DOCK7: variants seen among roughly 807,000 people sequenced by gnomAD.
DOCK7 encodes dedicator of cytokinesis 7.
Under a neutral mutation model 271.0 loss-of-function variants are expected in DOCK7, and 138 were observed. The ratio of observed to expected loss-of-function variants is 0.51; its 90% CI spans 0.44 to 0.59. DOCK7 has a LOEUF of 0.59. Ranked by LOEUF, DOCK7 falls within the 20% of genes least tolerant of loss-of-function variation. The probability of loss-of-function intolerance (pLI) is 0.00; values close to 1 mark genes in which losing one functional copy is unlikely to be tolerated. For missense variants in DOCK7, 2,066 were observed against 2,592.4 expected, an observed-to-expected ratio of 0.80 and a Z score of 4.41; for synonymous variants, 823 against 876.1, an observed-to-expected ratio of 0.94 and a Z score of 1.07.
At chr1:62,601,686 A>C (rs1198474504) in intron 14 of DOCK7, 1 of 1,018,836 alleles carries the variant, frequency 9.8e-7, no homozygotes, top group African/African-American at 1.6e-5. Context: ...CCACAACTTC[A>C]TAAAATGTCA....
At chr1:62,617,233 T>A (rs957393260) in intron 14 of DOCK7, among the ~76,000 whole-genome samples, 1 of 151,944 alleles carries the variant, frequency 6.6e-6, no homozygotes, top group African/African-American at 2.4e-5. Context: ...TGTATTTCAC[T>A]GTACTATAAG....
chr1:62,582,266 A>G (rs1647149986), intron 16 of DOCK7, among the ~76,000 whole-genome samples: 2 of 152,134 alleles, frequency 1.3e-5, no homozygotes, highest in Admixed American at 1.3e-4. Flanking sequence ...AGATTATAAA[A>G]GAGGCCGGGC....
At chr1:62,475,981 A>G in intron 45 of DOCK7, 38 bp from the exon 46 acceptor site, 1 of 1,605,690 alleles carries the variant, frequency 6.2e-7, no homozygotes, top group Non-Finnish European at 8.5e-7. Context: ...CTCACTGTTA[A>G]GTCATCATTT....
At chr1:62,638,623 ATT>A (rs1571864141) in intron 7 of DOCK7, among the ~76,000 whole-genome samples, 2 of 147,804 alleles carry the variant, frequency 1.4e-5, no homozygotes, top group African/African-American at 2.5e-5. Flanking sequence ...ATGAATATAT[ATT>A]TTCATGAATA....
At chr1:62,651,485 G>A (rs142871040) in intron 4 of DOCK7, among the ~76,000 whole-genome samples, 12 of 140,514 alleles carry the variant, frequency 8.5e-5, no homozygotes, top group Admixed American at 2.2e-4. Flanking sequence ...AAAGTTTATC[G>A]CATGGCTCGC....
intron 25 of DOCK7, among the ~76,000 whole-genome samples, chr1:62,542,405 GC>G (rs2149399164): frequency 6.6e-6 from 1 of 152,210 alleles, no homozygotes; most frequent in South Asian, 2.1e-4. Flanking sequence ...GTTAAAATGA[GC>G]CTCACTCTTA....
At chr1:62,495,512 C>T in intron 39 of DOCK7, 69 bp downstream of exon 39, 1 of 911,214 alleles carries the variant, frequency 1.1e-6, no homozygotes, top group South Asian at 2.7e-5. Context: ...TTATTTTTTT[C>T]ATCTAATGCT....
chr1:62,485,188 G>A (rs1416989043), intron 43 of DOCK7: 2 of 985,222 alleles, frequency 2.0e-6, no homozygotes, highest in Admixed American at 6.2e-5. Context: ...CTACTATTTC[G>A]AGGGAAAAGT....
intron 37 of DOCK7, among the ~76,000 whole-genome samples, chr1:62,503,813 C>T (rs1349960863): frequency 2.0e-5 from 3 of 151,930 alleles, no homozygotes; most frequent in Non-Finnish European, 1.5e-5. Context: ...TTTGGGAGGC[C>T]GAGGCAGGCG....
chr1:62,654,762 T>C (rs1657790396), intron 2 of DOCK7, among the ~76,000 whole-genome samples: 1 of 152,158 alleles, frequency 6.6e-6, no homozygotes, highest in Non-Finnish European at 1.5e-5. Context: ...GGTTTCTAAA[T>C]GCAATCACAT....
In DOCK7 at chr1:62,542,746, G is replaced by T. The variant is rs756510244; in HGVS notation, c.2950-43C>A. Reference sequence around the variant, plus strand: ...CAAAGTTATTATCAAAGTCAAATCTGCTGATAACATAAACCAAATCATAAT... The same window carrying T: ...CAAAGTTATTATCAAAGTCAAATCTTCTGATAACATAAACCAAATCATAAT... On this transcript the variant is annotated intron_variant, in intron 24 of 49. Transcript: ENST00000635253. 2.6e-6 allele frequency: 4 copies of T among 1,555,776 alleles called. No individual in the cohort carries two copies. In the South Asian group the frequency reaches 4.6e-5, roughly 18 times the overall value.
At chr1:62,483,452 A>G (rs1432294869) in intron 43 of DOCK7, 1 of 151,938 alleles carries the variant, frequency 6.6e-6, no homozygotes, top group Non-Finnish European at 1.5e-5. Context: ...GTCACTAACT[A>G]CCAGAAAGTA....
intron 22 of DOCK7, among the ~76,000 whole-genome samples, chr1:62,548,856 A>G (rs1645798935): frequency 6.6e-6 from 1 of 152,234 alleles, no homozygotes; most frequent in African/African-American, 2.4e-5. Flanking sequence ...AGATGGTAGC[A>G]ATGGAGATGG....
chr1:62,558,321 T>TA (rs1020412790), intron 20 of DOCK7, among the ~76,000 whole-genome samples: 2 of 152,014 alleles, frequency 1.3e-5, no homozygotes, highest in Non-Finnish European at 2.9e-5. Flanking sequence ...AAATCTCCCC[T>TA]AAAAAAACTC....
chr1:62,482,886 A>C (rs1646169620), intron 43 of DOCK7: 1 of 152,206 alleles, frequency 6.6e-6, no homozygotes. Flanking sequence ...GACAAAACAC[A>C]TTCTTCCAAG....
chr1:62,454,935 C>CTAG lies in DOCK7; in HGVS notation c.*476_*478dup. The CTAG allele has an allele frequency of 3.2e-6, 1 of 313,758 alleles. No individual in the cohort carries two copies. 19.4% of individuals were successfully genotyped at this position (313,758 alleles called of 1,614,324 possible). Reference sequence around the variant, plus strand: ...GATTTTTATTCTGCTAGGTTTGGAACTAGTTCTTGAGTCAACCCTTTAATT... The same window carrying CTAG: ...GATTTTTATTCTGCTAGGTTTGGAACTAGTAGTTCTTGAGTCAACCCTTTAATT... On this transcript the variant is annotated 3_prime_UTR_variant, in exon 50 of 50. Coordinates refer to ENST00000635253, the MANE Select transcript of DOCK7 (RefSeq NM_001367561.1).
intron 33 of DOCK7, among the ~76,000 whole-genome samples, chr1:62,512,609 C>T (rs1463111950): frequency 1.3e-5 from 2 of 151,560 alleles, no homozygotes; most frequent in African/African-American, 4.9e-5. Context: ...ATTCATTTTG[C>T]AAATAAAGAG....
At chr1:62,586,483 GA>G in intron 15 of DOCK7, 23 bp downstream of exon 15, 4 of 1,525,204 alleles carry the variant, frequency 2.6e-6, no homozygotes, top group East Asian at 2.3e-5. Context: ...CAAAAAATTA[GA>G]AAAGTAAAAG....
At chr1:62,650,016 G>A (rs2149683552) in intron 4 of DOCK7, among the ~76,000 whole-genome samples, 1 of 152,288 alleles carries the variant, frequency 6.6e-6, no homozygotes, top group Admixed American at 6.5e-5. Context: ...TGGGGAGGCT[G>A]AAGTAAGAGG....
Sources: allele counts gnomAD v4.1 joint callset (sites outside exome capture counted in the v4.1 genomes callset), GRCh38; gene constraint gnomAD v4.1.1; transcripts MANE v1.5; gene names NCBI Gene and HGNC (gene_info 2026-07-23, HGNC 2026-07-21).